LRRC37A2: variants seen among roughly 807,000 people sequenced by gnomAD.
The protein encoded by LRRC37A2 is leucine rich repeat containing 37 member A2.
A neutral mutation model predicts 68.8 loss-of-function variants in LRRC37A2; 9 were observed. That is an observed-to-expected ratio of 0.13 (90% CI 0.08 to 0.23). The LOEUF is 0.23. LRRC37A2 is among the 10% of genes least tolerant of loss of function. The probability of loss-of-function intolerance (pLI) is 1.00; values close to 1 mark genes in which losing one functional copy is unlikely to be tolerated. For missense variants in LRRC37A2, 168 were observed against 950.4 expected (o/e 0.18, Z 10.82); for synonymous variants, 63 against 367.6 (o/e 0.17, Z 9.48).
chr17:46,642,261 A>G, the LRRC37A2 span, among the ~76,000 whole-genome samples: 1 of 111,346 alleles, frequency 9.0e-6, no homozygotes, highest in African/African-American at 3.3e-5. Context: ...ATACATGTAT[A>G]CATTGTAGAA....
chr17:47,045,350 T>C, the LRRC37A2 span, among the ~76,000 whole-genome samples: 108 of 148,708 alleles, frequency 7.3e-4, no homozygotes, highest in Middle Eastern at 3.4e-3. Context: ...CTCTGCAACA[T>C]AATAATTATA....
the LRRC37A2 span, chr17:46,773,623 T>TTCCCC: frequency 2.3e-5 from 9 of 383,488 alleles, no homozygotes; most frequent in Admixed American, 6.4e-5. Flanking sequence ...TCCTGATCCC[T>TTCCCC]CCCCCCACCC....
At chr17:46,949,546 G>A in the LRRC37A2 span, among the ~76,000 whole-genome samples, 4 of 152,190 alleles carry the variant, frequency 2.6e-5, no homozygotes, top group East Asian at 1.9e-4. Context: ...GAATTGACAC[G>A]GTGGGTGGCC....
the LRRC37A2 span, among the ~76,000 whole-genome samples, chr17:46,392,441 C>CTTTCT: frequency 3.3e-5 from 2 of 61,220 alleles, 1 homozygote; most frequent in East Asian, 8.4e-4. Flanking sequence ...CTCTTTCTTT[C>CTTTCT]TTTCTTTCTT....
chr17:46,505,202 G>A, the LRRC37A2 span, among the ~76,000 whole-genome samples: 4 of 86,270 alleles, frequency 4.6e-5, no homozygotes, highest in East Asian at 3.0e-4. Flanking sequence ...AAAGTGCTGG[G>A]ATTACAAGTG....
At chr17:46,872,788 T>TA in the LRRC37A2 span, 4 of 1,537,388 alleles carry the variant, frequency 2.6e-6, no homozygotes, top group Non-Finnish European at 3.5e-6. Context: ...GGAGGAGGGC[T>TA]AGGGGACGGG....
chr17:46,856,340 A>G, the LRRC37A2 span, among the ~76,000 whole-genome samples: 5 of 152,202 alleles, frequency 3.3e-5, no homozygotes, highest in Admixed American at 3.3e-4. Flanking sequence ...TGCTCAGTCC[A>G]GGCTCACTCT....
chr17:46,495,455 G>GCTCACTGAAGC, the LRRC37A2 span, among the ~76,000 whole-genome samples: 1,498 of 149,496 alleles, frequency 0.01, 129 homozygotes, highest in African/African-American at 0.033. Context: ...TGCGATCTTG[G>GCTCACTGAAGC]CTCACTGAAG....
At chr17:46,927,710 G>C in the LRRC37A2 span, among the ~76,000 whole-genome samples, 6 of 152,150 alleles carry the variant, frequency 3.9e-5, no homozygotes, top group African/African-American at 1.4e-4. Flanking sequence ...TGTAGGGTTT[G>C]CCTTTCCTTG....
chr17:47,016,466 T>C, the LRRC37A2 span, among the ~76,000 whole-genome samples: 2 of 109,964 alleles, frequency 1.8e-5, no homozygotes, highest in African/African-American at 7.5e-5. Context: ...TCTCCATGTG[T>C]GCACACAGGG....
the LRRC37A2 span, among the ~76,000 whole-genome samples, chr17:46,766,988 C>T: frequency 6.6e-6 from 1 of 152,188 alleles, no homozygotes; most frequent in Non-Finnish European, 1.5e-5. Context: ...TTGGGTCACA[C>T]GGTTGGCAAG....
chr17:46,909,044 C>T, the LRRC37A2 span, among the ~76,000 whole-genome samples: 8 of 152,286 alleles, frequency 5.3e-5, no homozygotes, highest in South Asian at 1.5e-3. Context: ...GGTTACAATC[C>T]AGACCAGCCC....
At chr17:47,019,865 G>A in the LRRC37A2 span, 24 of 910,194 alleles carry the variant, frequency 2.6e-5, 1 homozygote, top group South Asian at 2.6e-4. Flanking sequence ...TTTCCTGGAG[G>A]CCTTCCTGGG....
At chr17:46,815,109 G>T in the LRRC37A2 span, among the ~76,000 whole-genome samples, 1 of 152,194 alleles carries the variant, frequency 6.6e-6, no homozygotes, top group South Asian at 2.1e-4. Context: ...CCATCTGCAC[G>T]TCCATCGCTG....
the LRRC37A2 span, chr17:46,939,293 G>A: frequency 9.8e-7 from 1 of 1,020,774 alleles, no homozygotes; most frequent in East Asian, 8.2e-5. Context: ...GTAGATGACT[G>A]ACTGCCAATA....
the LRRC37A2 span, among the ~76,000 whole-genome samples, chr17:46,919,826 A>G: frequency 6.6e-6 from 1 of 152,104 alleles, no homozygotes; most frequent in Non-Finnish European, 1.5e-5. Flanking sequence ...GGGTGCCTGT[A>G]ATCCTAGCTA....
chr17:46,773,228 T>C, the LRRC37A2 span, among the ~76,000 whole-genome samples: 1 of 151,942 alleles, frequency 6.6e-6, no homozygotes, highest in Non-Finnish European at 1.5e-5. Context: ...CTAGAGGGGC[T>C]CTTGGGGGCA....
the LRRC37A2 span, among the ~76,000 whole-genome samples, chr17:47,009,898 C>T: frequency 6.6e-6 from 1 of 152,238 alleles, no homozygotes; most frequent in African/African-American, 2.4e-5. Context: ...TTTTTCGCTA[C>T]AGTTGGTAGA....
the LRRC37A2 span, chr17:46,932,607 G>A: frequency 2.6e-6 from 1 of 387,632 alleles, no homozygotes; most frequent in African/African-American, 2.0e-5. Flanking sequence ...GTATGTGTGT[G>A]GCTCCAGTGT....
Sources: gnomAD v4.1 joint callset for allele counts (sites outside exome capture counted in the v4.1 genomes callset) on GRCh38, gnomAD v4.1.1 for gene constraint, MANE v1.5 for transcripts, NCBI Gene and HGNC (gene_info 2026-07-23, HGNC 2026-07-21) for gene names.